TIAM1: variants seen among roughly 807,000 people sequenced by gnomAD.
TIAM1 encodes TIAM Rac1 associated GEF 1.
A neutral mutation model predicts 163.5 loss-of-function variants in TIAM1; 65 were observed. The observed-to-expected ratio is 0.40, with a 90% CI of 0.33 to 0.49. TIAM1 has a LOEUF of 0.49. TIAM1 is among the 20% of genes least tolerant of loss of function. The pLI is 0.77. For missense variants in TIAM1, 1,789 were observed against 2,044.7 expected (o/e 0.87, Z 2.41); for synonymous variants, 833 against 810.1 (o/e 1.03, Z -0.48).
At chr21:31,175,662 G>T (rs1193461147) in intron 15 of TIAM1, among the ~76,000 whole-genome samples, 1 of 151,938 alleles carries the variant, frequency 6.6e-6, no homozygotes, top group Non-Finnish European at 1.5e-5. Context: ...GCAATGGTAC[G>T]ATCTTGGCTC....
At chr21:31,315,031 C>G (rs545754519) in intron 2 of TIAM1, among the ~76,000 whole-genome samples, 1 of 152,206 alleles carries the variant, frequency 6.6e-6, no homozygotes, top group African/African-American at 2.4e-5. Context: ...TGGTGAGAGT[C>G]GCCAAACCTC....
chr21:31,476,374 C>T (rs1289775349), intron 1 of TIAM1, among the ~76,000 whole-genome samples: 3 of 152,132 alleles, frequency 2.0e-5, no homozygotes, highest in East Asian at 3.8e-4. Flanking sequence ...TTTGCTGGAA[C>T]GGAAGGAAGA....
At position 31,147,142 on chromosome 21, in the gene TIAM1, C is replaced by T. The variant is rs117391076; in HGVS notation, c.3367-139G>A. ...CCGTGCCTGTCAGAGCCTTTCTTTG[C>T]TATCAAATGCCCTAAAATTGCCCAT... On this transcript the variant is annotated intron_variant, in intron 19 of 27. Transcript: ENST00000541036. 1.0e-2 allele frequency: 6,784 copies of T among 678,552 alleles called. 61 individuals carry two copies. Among genetic ancestry groups the T allele is most frequent in the Non-Finnish European group, 0.012 (4,590 of 380,738 alleles). The allele number at this position is 678,552 out of a possible 1,614,324, so 42.0% of individuals were successfully genotyped here. A position where few individuals can be genotyped will look rare whatever the true frequency, so the allele number is the denominator to read the frequency against.
intron 13 of TIAM1, among the ~76,000 whole-genome samples, chr21:31,192,748 G>A (rs905914390): frequency 1.3e-5 from 2 of 152,086 alleles, no homozygotes; most frequent in East Asian, 1.9e-4. Context: ...GTGCTCCCTC[G>A]TAGGTAGGTA....
chr21:31,485,291 G>A (rs2046235704), intron 1 of TIAM1, among the ~76,000 whole-genome samples: 1 of 151,990 alleles, frequency 6.6e-6, no homozygotes, highest in Non-Finnish European at 1.5e-5. Flanking sequence ...GGAGTCCCAG[G>A]GGCTTCTCAG....
At chr21:31,429,247 C>T (rs2043910764) in intron 2 of TIAM1, among the ~76,000 whole-genome samples, 1 of 152,260 alleles carries the variant, frequency 6.6e-6, no homozygotes, top group East Asian at 1.9e-4. Flanking sequence ...AGTGATCCGC[C>T]TGCCTTGGCC....
upstream of TIAM1, among the ~76,000 whole-genome samples, chr21:31,345,556 G>A (rs1190833388): frequency 6.6e-6 from 1 of 151,804 alleles, no homozygotes; most frequent in African/African-American, 2.4e-5. Flanking sequence ...TACATTCTTG[G>A]TAAAGAATAT....
At chr21:31,351,518 G>A (rs1274365070) in intron 2 of TIAM1, among the ~76,000 whole-genome samples, 1 of 152,170 alleles carries the variant, frequency 6.6e-6, no homozygotes, top group African/African-American at 2.4e-5. Flanking sequence ...GGGTACATGA[G>A]AAATTCTTGG....
chr21:31,405,863 G>T (rs557126047), intron 2 of TIAM1, among the ~76,000 whole-genome samples: 5 of 152,212 alleles, frequency 3.3e-5, no homozygotes, highest in Middle Eastern at 3.4e-3. Flanking sequence ...ACACAGATGG[G>T]AGACATTTAA....
chr21:31,130,194 A>C lies in TIAM1; in HGVS notation c.4045+19T>G, dbSNP rs376832874. On this transcript the variant is annotated intron_variant, in intron 25 of 27. Transcript: ENST00000541036. Reference sequence around the variant, plus strand: ...TCAGAAATATGTGTGTGAAATACCCAGCACAGGTGAGAGTTTACCTGCACT... The same window carrying C: ...TCAGAAATATGTGTGTGAAATACCCCGCACAGGTGAGAGTTTACCTGCACT... The C allele has an allele frequency of 1.9e-6, 3 of 1,606,666 alleles. No homozygotes were observed. The highest frequency in any genetic ancestry group is 3.3e-5 in the Admixed American group (2 of 59,992).
At chr21:31,492,404 G>A (rs1181595214) in intron 1 of TIAM1, among the ~76,000 whole-genome samples, 2 of 152,128 alleles carry the variant, frequency 1.3e-5, no homozygotes, top group East Asian at 1.9e-4. Flanking sequence ...ATATCTGATT[G>A]CTTCCTCCAC....
chr21:31,372,282 G>A (rs559857510), intron 2 of TIAM1, among the ~76,000 whole-genome samples: 45 of 152,290 alleles, frequency 3.0e-4, no homozygotes, highest in Admixed American at 9.8e-4. Flanking sequence ...GGGGTTCCCC[G>A]GCTTTCTGGG....
Position 31,136,007 on chromosome 21 carries a change from T to A in TIAM1, c.3809A>T (p.His1270Leu). The A allele has an allele frequency of 6.2e-7, 1 of 1,614,156 alleles. No homozygotes were observed. Among genetic ancestry groups the A allele is most frequent in the Non-Finnish European group, 8.5e-7 (1 of 1,180,030 alleles). The change falls in exon 23 of 28, where the codon CAC becomes CTC. Residue 1270 changes from histidine to leucine, a missense_variant. Transcript: ENST00000541036. Reference sequence around the variant, plus strand: ...CGGGTTCAGCCAGATCACGGTAGTGTGCAAAAGCAGGTCTCCCATGCTCAG... The same window carrying A: ...CGGGTTCAGCCAGATCACGGTAGTGAGCAAAAGCAGGTCTCCCATGCTCAG... ...ADLSMGDLLL[H>L]TTVIWLNPPA...
At chr21:31,459,655 T>G (rs1234853759) in intron 2 of TIAM1, among the ~76,000 whole-genome samples, 2 of 152,072 alleles carry the variant, frequency 1.3e-5, no homozygotes, top group Admixed American at 6.5e-5. Context: ...GTGAAGCTAT[T>G]AATAACTTTC....
intron 25 of TIAM1, among the ~76,000 whole-genome samples, chr21:31,129,961 T>C (rs1235925970): frequency 1.3e-5 from 2 of 152,178 alleles, no homozygotes; most frequent in African/African-American, 2.4e-5. Flanking sequence ...TCCAGGAATT[T>C]TGAAGACATT....
In TIAM1 at chr21:31,141,649, G is replaced by A. The variant is rs1371978260; in HGVS notation, c.3476-145C>T. 5.9e-6 allele frequency: 5 copies of A among 851,596 alleles called. No individual in the cohort carries two copies. The highest frequency in any genetic ancestry group is 9.1e-6 in the Non-Finnish European group (5 of 550,698). The allele number at this position is 851,596 out of a possible 1,614,324, so 52.8% of individuals were successfully genotyped here. A position where few individuals can be genotyped will look rare whatever the true frequency, so the allele number is the denominator to read the frequency against. On this transcript the variant is annotated intron_variant, in intron 20 of 27. Transcript: ENST00000541036. The surrounding 1 kb of genome is among the most constrained non-coding windows in gnomAD (Gnocchi z 4.7). ...GTGGCAGGAAGAGGGACAGGTAGGG[G>A]AGGGGGCAGTCAGGGAGACCACAGG...
chr21:31,487,301 C>T (rs576992849), intron 1 of TIAM1, among the ~76,000 whole-genome samples: 3 of 152,302 alleles, frequency 2.0e-5, no homozygotes, highest in South Asian at 2.1e-4. Flanking sequence ...AATACTGCCA[C>T]GGTTCACACG....
At chr21:31,467,035 G>A (rs1017705186) in intron 1 of TIAM1, among the ~76,000 whole-genome samples, 7 of 149,446 alleles carry the variant, frequency 4.7e-5, no homozygotes, top group Non-Finnish European at 1.0e-4. Flanking sequence ...AAACCAGGAA[G>A]CTTGCGATCA....
chr21:31,224,694 T>C (rs1230520829), intron 7 of TIAM1, among the ~76,000 whole-genome samples: 2 of 152,200 alleles, frequency 1.3e-5, no homozygotes, highest in African/African-American at 4.8e-5. Context: ...GTTAAAATGG[T>C]TGATTTTACA....
Sources: gnomAD v4.1 joint callset for allele counts (sites outside exome capture counted in the v4.1 genomes callset) on GRCh38, gnomAD v4.1.1 for gene constraint, Gnocchi (gnomAD v3.1) non-coding constraint, MANE v1.5 for transcripts, NCBI Gene and HGNC (gene_info 2026-07-23, HGNC 2026-07-21) for gene names.